Variants in RRH observed in about 807,000 individuals in gnomAD.
RRH encodes visual pigment-like receptor peropsin.
Under a neutral mutation model 33.1 loss-of-function variants are expected in RRH, and 36 were observed. The observed-to-expected ratio is 1.09, with a 90% CI of 0.83 to 1.44. The LOEUF (loss-of-function observed/expected upper bound fraction) is 1.44, where lower values mean the gene tolerates loss of function less well. Among genes scored for constraint, RRH ranks in the 40% most tolerant of loss-of-function variants. The pLI, the probability that RRH is intolerant of heterozygous loss-of-function variation, is 0.00. For missense variants in RRH, 393 were observed against 420.2 expected, an observed-to-expected ratio of 0.94 and a Z score of 0.57; for synonymous variants, 124 against 140.2, an observed-to-expected ratio of 0.88 and a Z score of 0.82.
chr4:109,828,203 C>T, intron 1 of RRH, 70 bp downstream of exon 1: 1 of 1,048,178 alleles, frequency 9.5e-7, no homozygotes, highest in Admixed American at 1.8e-5. Flanking sequence ...CAGCATAAGG[C>T]ATGCATTGTT....
intron 4 of RRH, 96 bp from the exon 5 acceptor site, chr4:109,837,341 G>T: frequency 1.1e-5 from 12 of 1,064,626 alleles, no homozygotes; most frequent in Non-Finnish European, 1.6e-5. Flanking sequence ...GCAATATAAT[G>T]ACTACCAGTA....
At chr4:109,838,475 C>G (rs1204692644) in intron 5 of RRH, among the ~76,000 whole-genome samples, 1 of 150,618 alleles carries the variant, frequency 6.6e-6, no homozygotes, top group Non-Finnish European at 1.5e-5. Flanking sequence ...CTTCCAGGGT[C>G]GAATCCCCTG....
At position 109,837,607 on chromosome 4, in the gene RRH, T is replaced by C; in HGVS notation, c.720+2T>C. 1 of 1,612,762 alleles carries C rather than the reference T, an allele frequency of 6.2e-7. No homozygotes were observed. The highest frequency in any genetic ancestry group is 8.5e-7 in the Non-Finnish European group (1 of 1,179,042). ...TCAGATCAGATAGATGTAACAAAGG[T>C]AAGAGATCAAAATCCTTGAAAAATT... is the stretch of plus-strand genomic sequence containing the variant. On this transcript the variant is annotated splice_donor_variant, in intron 5 of 6. Coordinates refer to ENST00000317735, the MANE Select transcript of RRH (RefSeq NM_006583.5). LOFTEE classifies it high-confidence loss of function.
chr4:109,840,930 CCAT>C (rs1356056661), intron 5 of RRH, among the ~76,000 whole-genome samples: 3 of 151,592 alleles, frequency 2.0e-5, no homozygotes, highest in African/African-American at 7.3e-5. Context: ...ATTATGACCA[CCAT>C]CATCATTATT....
At position 109,842,603 on chromosome 4, in the gene RRH, T is replaced by G. The variant is rs769145263; in HGVS notation, c.855T>G (p.Ser285=). The G allele has an allele frequency of 6.2e-7, 1 of 1,614,122 alleles. No homozygotes were observed. Among genetic ancestry groups the G allele is most frequent in the Non-Finnish European group, 8.5e-7 (1 of 1,179,968 alleles). The part of the protein sequence containing the change: ...MAIIAPLFAK[S]STFYNPCIYV... ...TCATAGCTCCACTGTTTGCAAAATCTTCTACATTCTATAACCCCTGCATTT... is the reference window on the plus strand; with the variant it reads ...TCATAGCTCCACTGTTTGCAAAATCGTCTACATTCTATAACCCCTGCATTT... The change falls in exon 6 of 7, where the codon TCT becomes TCG. Residue 285 remains serine (S), a synonymous_variant. Transcript: ENST00000317735.
At chr4:109,839,913 G>A (rs973745774) in intron 5 of RRH, among the ~76,000 whole-genome samples, 20 of 152,110 alleles carry the variant, frequency 1.3e-4, no homozygotes, top group African/African-American at 4.6e-4. Flanking sequence ...ATTGTGAATA[G>A]TGCTGCAATA....
intron 1 of RRH, among the ~76,000 whole-genome samples, chr4:109,829,776 T>C (rs1409978105): frequency 6.6e-6 from 1 of 152,204 alleles, no homozygotes. Context: ...CCCTCACATA[T>C]AAATCCAAGA....
chr4:109,828,740 A>G (rs924603705), intron 1 of RRH, among the ~76,000 whole-genome samples: 2 of 152,038 alleles, frequency 1.3e-5, no homozygotes, highest in Non-Finnish European at 2.9e-5. Flanking sequence ...ATCTTTTAGT[A>G]TATTTGCAAC....
intron 1 of RRH, among the ~76,000 whole-genome samples, chr4:109,831,620 G>A (rs1232169003): frequency 3.3e-5 from 5 of 152,112 alleles, no homozygotes; most frequent in Admixed American, 6.6e-5. Flanking sequence ...ATTTGGATAG[G>A]AAAAGAGAAG....
intron 5 of RRH, among the ~76,000 whole-genome samples, chr4:109,841,833 C>T (rs1733988971): frequency 6.6e-6 from 1 of 152,024 alleles, no homozygotes; most frequent in African/African-American, 2.4e-5. Flanking sequence ...ATAATTTTAG[C>T]AGGCAATCTA....
Position 109,844,458 on chromosome 4 carries a change from A to G in RRH, c.*261A>G, listed in dbSNP as rs1041532136. ...GTTAAGGTCCCCTTTCTTTCTCCCT[A>G]TTATGGCATGCATTACACTGTACTG... On this transcript the variant is annotated 3_prime_UTR_variant, in exon 7 of 7. Transcript: ENST00000317735. The G allele has an allele frequency of 2.1e-5, 8 of 388,432 alleles. No individual in the cohort carries two copies. The highest frequency in any genetic ancestry group is 4.3e-5 in the South Asian group (2 of 46,182). 24.1% of individuals were successfully genotyped at this position (388,432 alleles called of 1,614,324 possible). A position where few individuals can be genotyped will look rare whatever the true frequency, so the allele number is the denominator to read the frequency against.
At chr4:109,837,363 A>G (rs1481498051) in intron 4 of RRH, 74 bp from the exon 5 acceptor site, 2 of 1,251,436 alleles carry the variant, frequency 1.6e-6, no homozygotes, top group Admixed American at 3.5e-5. Flanking sequence ...TGTTTTTAAT[A>G]ATTATCTCCT....
rs529416419 is a variant in RRH, at chr4:109,834,529, A to G, written c.298-837A>G. Among the ~76,000 whole-genome samples, 395 of 145,952 alleles carry G rather than the reference A, an allele frequency of 2.7e-3. 1 individual carries two copies. The highest frequency in any genetic ancestry group is 9.3e-3 in the African/African-American group (370 of 39,732). On this transcript the variant is annotated intron_variant, in intron 2 of 6. Transcript: ENST00000317735. ...TTTTGTATTTTTTTTTTTTTTAGTA[A>G]TGACGGAGTTTCATCGTGTTAGCCA... is the stretch of plus-strand genomic sequence containing the variant.
Position 109,842,508 on chromosome 4 carries a change from T to A in RRH, c.760T>A (p.Ser254Thr). The A allele has an allele frequency of 3.1e-6, 5 of 1,614,110 alleles. No homozygotes were observed. Among genetic ancestry groups the A allele is most frequent in the Non-Finnish European group, 4.2e-6 (5 of 1,180,004 alleles). The change falls in exon 6 of 7, where the codon TCC becomes ACC. Residue 254 changes from serine (S) to threonine (T), a missense_variant. Ser to Thr is a moderately conservative substitution (Grantham distance 58, BLOSUM62 1). Coordinates refer to ENST00000317735, the MANE Select transcript of RRH (RefSeq NM_006583.5). ...GATCTGCATGTTTCTGGTGGCATGG[T>A]CCCCTTATTCCATCGTGTGCTTATG... ...IMICMFLVAW[S>T]PYSIVCLWAS...
intron 5 of RRH, among the ~76,000 whole-genome samples, chr4:109,837,942 A>G (rs1560585257): frequency 6.6e-6 from 1 of 151,568 alleles, no homozygotes. Context: ...CACTTGGCTA[A>G]TTTTTTTTGT....
Position 109,837,847 on chromosome 4 carries a change from C to T in RRH, c.720+242C>T, listed in dbSNP as rs938865288. Among the ~76,000 whole-genome samples the T allele has an allele frequency of 2.4e-4, 31 of 128,706 alleles. 1 individual carries two copies. The highest frequency in any genetic ancestry group is 3.9e-4 in the Non-Finnish European group (22 of 56,974). 84.4% of individuals were successfully genotyped at this position (128,706 alleles called of 152,430 possible). A position where few individuals can be genotyped will look rare whatever the true frequency, so the allele number is the denominator to read the frequency against. On this transcript the variant is annotated intron_variant, in intron 5 of 6. Transcript: ENST00000317735. ...CTGGAGTGCAATGGCACGATCTCGG[C>T]TCACTGCAACCTCCGCCTCCCGGGT...
intron 5 of RRH, among the ~76,000 whole-genome samples, chr4:109,839,771 T>C (rs1733952809): frequency 6.6e-6 from 1 of 152,154 alleles, no homozygotes; most frequent in Non-Finnish European, 1.5e-5. Flanking sequence ...TCCATCGATG[T>C]CCCTGCAAAG....
chr4:109,834,325 C>CTT (rs70954188), intron 2 of RRH, among the ~76,000 whole-genome samples: 11 of 132,932 alleles, frequency 8.3e-5, no homozygotes, highest in African/African-American at 2.2e-4. Flanking sequence ...TTTTCTTTTC[C>CTT]TTTTTTTTTT....
intron 5 of RRH, among the ~76,000 whole-genome samples, chr4:109,839,250 T>C (rs944141645): frequency 6.6e-6 from 1 of 151,836 alleles, no homozygotes; most frequent in East Asian, 1.9e-4. Context: ...AGTGGTTTAA[T>C]GTAGTACTTA....
Sources: gnomAD v4.1 joint callset for allele counts (sites outside exome capture counted in the v4.1 genomes callset) on GRCh38, gnomAD v4.1.1 for gene constraint, MANE v1.5 for transcripts, NCBI Gene and HGNC (gene_info 2026-07-23, HGNC 2026-07-21) for gene names.